WDR64: variants seen among roughly 807,000 people sequenced by gnomAD.
WDR64 encodes WD repeat domain 64.
A neutral mutation model predicts 139.3 loss-of-function variants in WDR64; 112 were observed. The observed-to-expected ratio is 0.80, with a 90% CI of 0.69 to 0.94. The LOEUF (loss-of-function observed/expected upper bound fraction) is 0.94, where lower values mean the gene tolerates loss of function less well. Among genes scored for constraint, WDR64 ranks in the 40% least tolerant of loss-of-function variants. The probability of loss-of-function intolerance (pLI) is 0.00; values close to 1 mark genes in which losing one functional copy is unlikely to be tolerated. For missense variants in WDR64, 1,206 were observed against 1,293.1 expected (o/e 0.93, Z 1.03); for synonymous variants, 444 against 437.7 (o/e 1.01, Z -0.18).
At position 241,801,239 on chromosome 1, in the gene WDR64, C is replaced by T. The variant is rs763933096; in HGVS notation, c.*24C>T. 190 of 1,601,720 alleles carry T rather than the reference C, an allele frequency of 1.2e-4. 1 individual carries two copies. Among genetic ancestry groups the T allele is most frequent in the Middle Eastern group, 6.6e-4 (4 of 6,048 alleles). On this transcript the variant is annotated 3_prime_UTR_variant, in exon 28 of 28. Transcript: ENST00000437684. ...AAGGAGAAAAAATCAGAAATGGCTG[C>T]TGCACATAAAATGGCAACGTTTGGA...
intron 14 of WDR64, among the ~76,000 whole-genome samples, chr1:241,754,558 T>C (rs1179453030): frequency 6.6e-6 from 1 of 152,124 alleles, no homozygotes; most frequent in African/African-American, 2.4e-5. Flanking sequence ...GACCTCGTGA[T>C]CTGCTGGCCT....
chr1:241,724,023 AG>A (rs1183911319), intron 10 of WDR64, among the ~76,000 whole-genome samples: 1 of 152,242 alleles, frequency 6.6e-6, no homozygotes, highest in African/African-American at 2.4e-5. Context: ...ATAATTAGTG[AG>A]GAAAAAAGGT....
intron 8 of WDR64, among the ~76,000 whole-genome samples, chr1:241,700,692 G>A (rs1667678399): frequency 6.6e-6 from 1 of 152,164 alleles, no homozygotes; most frequent in African/African-American, 2.4e-5. Flanking sequence ...GCATGTTACT[G>A]AAGTTATTTG....
chr1:241,796,346 G>A lies in WDR64; in HGVS notation c.3168G>A (p.Lys1056=), dbSNP rs754406801. 7 of 1,613,334 alleles carry A rather than the reference G, an allele frequency of 4.3e-6. No individual in the cohort carries two copies. The highest frequency in any genetic ancestry group is 5.9e-6 in the Non-Finnish European group (7 of 1,179,600). ...DSSDGITGKK[K]GGHVQREKAP... is the part of the protein sequence containing the mutation. ...CAGATGGCATTACAGGAAAGAAGAA[G>A]GGAGGTCATGTTCAACGTGAAAAAG... The change falls in exon 27 of 28, where the codon AAG becomes AAA. Residue 1056 remains lysine (K), a synonymous_variant. Transcript: ENST00000437684.
intron 23 of WDR64, among the ~76,000 whole-genome samples, chr1:241,785,701 C>G (rs927632462): frequency 3.9e-5 from 6 of 152,202 alleles, no homozygotes; most frequent in African/African-American, 1.4e-4. Flanking sequence ...CAAGCCATGT[C>G]CCTTTGCTAA....
intron 10 of WDR64, among the ~76,000 whole-genome samples, chr1:241,734,329 C>A (rs908878229): frequency 1.1e-4 from 16 of 152,044 alleles, no homozygotes; most frequent in Admixed American, 1.0e-3. Context: ...GTCGTGAGGA[C>A]CCCCTGAGTG....
intron 25 of WDR64, among the ~76,000 whole-genome samples, chr1:241,792,551 A>C (rs756971604): frequency 6.6e-6 from 1 of 152,064 alleles, no homozygotes; most frequent in Non-Finnish European, 1.5e-5. Context: ...ATAAATAAAT[A>C]AATAAAAATA....
chr1:241,781,745 T>C (rs1658853145), intron 22 of WDR64, among the ~76,000 whole-genome samples: 1 of 151,440 alleles, frequency 6.6e-6, no homozygotes, highest in Non-Finnish European at 1.5e-5. Flanking sequence ...CCAGTATTTT[T>C]ATAAAAATAG....
At chr1:241,769,279 C>A in intron 16 of WDR64, 125 bp from the exon 17 acceptor site, 2 of 730,802 alleles carry the variant, frequency 2.7e-6, no homozygotes, top group Non-Finnish European at 4.4e-6. Context: ...CTTGCATTTT[C>A]TTTTCATGTT....
At chr1:241,664,429 T>C (rs967166630) in intron 2 of WDR64, among the ~76,000 whole-genome samples, 1 of 152,230 alleles carries the variant, frequency 6.6e-6, no homozygotes, top group African/African-American at 2.4e-5. Flanking sequence ...TCTGTTCATA[T>C]TTTATTACAC....
At chr1:241,659,642 G>A (rs1665745628) in intron 1 of WDR64, among the ~76,000 whole-genome samples, 1 of 152,084 alleles carries the variant, frequency 6.6e-6, no homozygotes, top group Admixed American at 6.5e-5. Flanking sequence ...ATTTTGATTT[G>A]CATTTGTGTA....
At chr1:241,763,823 C>T (rs1187922756) in intron 15 of WDR64, among the ~76,000 whole-genome samples, 1 of 152,216 alleles carries the variant, frequency 6.6e-6, no homozygotes, top group East Asian at 1.9e-4. Flanking sequence ...GTATCATGCA[C>T]TGTTCTTAGC....
At chr1:241,655,377 A>G (rs1665546083) in intron 1 of WDR64, among the ~76,000 whole-genome samples, 1 of 152,080 alleles carries the variant, frequency 6.6e-6, no homozygotes, top group East Asian at 1.9e-4. Context: ...CTACAGAGAG[A>G]GACTCTGTCC....
At chr1:241,688,059 T>C (rs1667076710) in intron 8 of WDR64, among the ~76,000 whole-genome samples, 1 of 152,224 alleles carries the variant, frequency 6.6e-6, no homozygotes, top group Non-Finnish European at 1.5e-5. Flanking sequence ...GTTAAATATG[T>C]ATTAATAACT....
intron 15 of WDR64, among the ~76,000 whole-genome samples, chr1:241,758,855 T>TA (rs1670313051): frequency 6.6e-6 from 1 of 152,140 alleles, no homozygotes; most frequent in African/African-American, 2.4e-5. Flanking sequence ...AATAGTATTT[T>TA]AAAAAACCAC....
At chr1:241,754,765 C>G (rs1297244828) in intron 14 of WDR64, among the ~76,000 whole-genome samples, 1 of 152,052 alleles carries the variant, frequency 6.6e-6, no homozygotes, top group Non-Finnish European at 1.5e-5. Flanking sequence ...GTTCCCCTCC[C>G]TGTGTCTGTG....
At chr1:241,762,844 C>T (rs971223650) in intron 15 of WDR64, among the ~76,000 whole-genome samples, 5 of 150,722 alleles carry the variant, frequency 3.3e-5, no homozygotes, top group Admixed American at 2.0e-4. Context: ...TGTCATAGAA[C>T]GGAAACATAC....
chr1:241,780,587 T>A (rs1316588328), intron 22 of WDR64, among the ~76,000 whole-genome samples: 1 of 152,210 alleles, frequency 6.6e-6, no homozygotes, highest in Non-Finnish European at 1.5e-5. Flanking sequence ...AAAAGCTAAA[T>A]ATTAGCTTAA....
intron 10 of WDR64, among the ~76,000 whole-genome samples, chr1:241,729,821 G>A (rs535022304): frequency 1.2e-3 from 176 of 152,030 alleles, no homozygotes; most frequent in African/African-American, 4.0e-3. Context: ...TGTTTGTATG[G>A]GATTATCATA....
Sources: allele counts gnomAD v4.1 joint callset (sites outside exome capture counted in the v4.1 genomes callset), GRCh38; gene constraint gnomAD v4.1.1; transcripts MANE v1.5; gene names NCBI Gene and HGNC (gene_info 2026-07-23, HGNC 2026-07-21).